The following MAST4 variants were observed in gnomAD, a reference collection of about 807,000 sequenced individuals.
MAST4 encodes the protein microtubule-associated serine/threonine-protein kinase 4.
MAST4 carries 89 observed loss-of-function variants against 162.7 expected under a neutral mutation model. The observed-to-expected ratio is 0.55, with a 90% CI of 0.46 to 0.65. The LOEUF is 0.65. MAST4 is among the 30% of genes least tolerant of loss of function. MAST4 has a pLI of 0.00. For missense variants in MAST4, 3,153 were observed against 3,374.0 expected (o/e 0.93, Z 1.62); for synonymous variants, 1,479 against 1,361.1 (o/e 1.09, Z -1.91).
At chr5:66,676,528 C>A (rs1184821067) in intron 1 of MAST4, among the ~76,000 whole-genome samples, 1 of 152,140 alleles carries the variant, frequency 6.6e-6, no homozygotes, top group East Asian at 1.9e-4. Flanking sequence ...CTCAGAATAG[C>A]TTTCAGACCT....
At chr5:66,761,267 T>A (rs1030048723) in intron 2 of MAST4, among the ~76,000 whole-genome samples, 14 of 152,170 alleles carry the variant, frequency 9.2e-5, no homozygotes, top group African/African-American at 2.4e-4. Context: ...ATTGTTAAAA[T>A]TGAGAAATTT....
At chr5:67,110,225 A>C (rs773084141) in intron 11 of MAST4, 26 bp downstream of exon 11, 2 of 1,507,796 alleles carry the variant, frequency 1.3e-6, no homozygotes, top group Non-Finnish European at 1.8e-6. Flanking sequence ...ATGTGACTAC[A>C]TTATTTATTG....
chr5:66,781,653 TCTC>T (rs1039710358), intron 2 of MAST4, among the ~76,000 whole-genome samples: 6 of 152,254 alleles, frequency 3.9e-5, no homozygotes, highest in African/African-American at 1.4e-4. Context: ...TTTTCAGAGT[TCTC>T]CTCTATGACT....
intron 19 of MAST4, among the ~76,000 whole-genome samples, chr5:67,140,191 T>C (rs183684614): frequency 2.2e-4 from 34 of 152,338 alleles, no homozygotes; most frequent in African/African-American, 8.2e-4. Flanking sequence ...ATCACTGCAC[T>C]AGGAGTCCAG....
intron 1 of MAST4, among the ~76,000 whole-genome samples, chr5:66,732,001 T>C (rs1751886142): frequency 6.6e-6 from 1 of 151,928 alleles, no homozygotes; most frequent in African/African-American, 2.4e-5. Flanking sequence ...TGCCCAAGTG[T>C]TCTCCCTTCC....
intron 1 of MAST4, among the ~76,000 whole-genome samples, chr5:66,670,617 C>A (rs1264313550): frequency 6.6e-6 from 1 of 152,128 alleles, no homozygotes; most frequent in Non-Finnish European, 1.5e-5. Context: ...AAGAAATTTT[C>A]TTTTCCTTGA....
At chr5:66,975,280 G>A (rs528545416) in intron 4 of MAST4, among the ~76,000 whole-genome samples, 1 of 152,324 alleles carries the variant, frequency 6.6e-6, no homozygotes, top group South Asian at 2.1e-4. Context: ...AAGCCAACAA[G>A]TTTGCTGTCA....
intron 10 of MAST4, among the ~76,000 whole-genome samples, chr5:67,108,828 T>C (rs1765891292): frequency 6.6e-6 from 1 of 152,158 alleles, no homozygotes; most frequent in African/African-American, 2.4e-5. Flanking sequence ...GGATTGTTCC[T>C]TGTCATGGTA....
Position 66,788,707 on chromosome 5 carries a change from C to T in MAST4, c.555C>T (p.Ala185=). 6.2e-7 allele frequency: 1 copy of T among 1,613,648 alleles called. No individual in the cohort carries two copies. ...TTCCAAACCCGGTGGCGGGACAGGC[C>T]TGGCCGGCCTCTGCAGAGACGTCCA... ...YLLPNPVAGQ[A]WPASAETSNL... is the part of the protein sequence containing the mutation. The change falls in exon 3 of 29, where the codon GCC becomes GCT. Residue 185 remains alanine (A), a synonymous_variant. Transcript: ENST00000403625.
chr5:67,081,027 T>A lies in MAST4; in HGVS notation c.764-9135T>A, dbSNP rs7700548. Reference sequence around the variant, plus strand: ...TAATATAATATATAATTGTATATATTATATAATATAATATATAATTGTATA... The same window carrying A: ...TAATATAATATATAATTGTATATATAATATAATATAATATATAATTGTATA... On this transcript the variant is annotated intron_variant, in intron 5 of 28. Transcript: ENST00000403625. 7.5e-5 allele frequency among the ~76,000 whole-genome samples: 10 copies of A among 133,294 alleles called. 1 individual carries two copies. Among genetic ancestry groups the A allele is most frequent in the African/African-American group, 2.1e-4 (7 of 33,248 alleles). 87.4% of individuals were successfully genotyped at this position (133,294 alleles called of 152,430 possible).
In MAST4 at chr5:67,166,961, C is replaced by T. The variant is rs1475375356; in HGVS notation, c.7782C>T (p.Pro2594=). 6.2e-7 allele frequency: 1 copy of T among 1,612,586 alleles called. No homozygotes were observed. The highest frequency in any genetic ancestry group is 1.3e-5 in the African/African-American group (1 of 74,894). ...CCCCAGCCCCAAACACTGACCGCCC[C>T]ATCTCTCTTTCTAATGAGAAGGACT... is the stretch of plus-strand genomic sequence containing the variant. The part of the protein sequence containing the change: ...KPSPAPNTDR[P]ISLSNEKDFV... Residue 2594 remains proline, a synonymous_variant, in exon 29 of 29, where the codon CCC becomes CCT. Coordinates refer to ENST00000403625, the MANE Select transcript of MAST4 (RefSeq NM_001164664.2).
chr5:66,638,237 C>T (rs1245109294), intron 1 of MAST4, among the ~76,000 whole-genome samples: 2 of 152,092 alleles, frequency 1.3e-5, no homozygotes, highest in African/African-American at 4.8e-5. Flanking sequence ...GTGGTGTTCC[C>T]AGCCAGGAAT....
At chr5:67,078,606 C>T (rs961653521) in intron 5 of MAST4, among the ~76,000 whole-genome samples, 2 of 141,898 alleles carry the variant, frequency 1.4e-5, no homozygotes, top group Non-Finnish European at 1.5e-5. Context: ...GTCAATAAAG[C>T]TGGAAATATA....
intron 1 of MAST4, among the ~76,000 whole-genome samples, chr5:66,637,977 A>G (rs1745231791): frequency 6.6e-6 from 1 of 152,236 alleles, no homozygotes; most frequent in Non-Finnish European, 1.5e-5. Flanking sequence ...AACTGGGATT[A>G]CAGACATGAG....
intron 5 of MAST4, among the ~76,000 whole-genome samples, chr5:67,080,492 A>C (rs1225610921): frequency 6.6e-6 from 1 of 152,188 alleles, no homozygotes; most frequent in Non-Finnish European, 1.5e-5. Context: ...GTGTGGCTTA[A>C]AACAAGCTCC....
intron 1 of MAST4, among the ~76,000 whole-genome samples, chr5:66,608,806 G>A (rs1743076932): frequency 6.7e-6 from 1 of 149,918 alleles, no homozygotes; most frequent in Non-Finnish European, 1.5e-5. Flanking sequence ...GCAGGGGAAA[G>A]CGGGGGGCGG....
intron 26 of MAST4, among the ~76,000 whole-genome samples, chr5:67,156,787 C>T (rs1772593631): frequency 6.6e-6 from 1 of 152,204 alleles, no homozygotes; most frequent in South Asian, 2.1e-4. Context: ...GCCCATCTCC[C>T]ATCTGTGCTT....
At chr5:66,768,236 G>C (rs993198835) in intron 2 of MAST4, among the ~76,000 whole-genome samples, 3 of 152,224 alleles carry the variant, frequency 2.0e-5, no homozygotes, top group African/African-American at 4.8e-5. Context: ...GGAGTCAGGA[G>C]AACTTGTTTG....
intron 2 of MAST4, among the ~76,000 whole-genome samples, chr5:66,782,555 T>G (rs1341324449): frequency 2.0e-5 from 3 of 152,226 alleles, no homozygotes; most frequent in Non-Finnish European, 4.4e-5. Context: ...TCCGTCCAAC[T>G]GATTCCAGCT....
Sources: allele counts gnomAD v4.1 joint callset (sites outside exome capture counted in the v4.1 genomes callset), GRCh38; gene constraint gnomAD v4.1.1; transcripts MANE v1.5; gene names NCBI Gene and HGNC (gene_info 2026-07-23, HGNC 2026-07-21).